LHFPL6: variants seen among roughly 807,000 people sequenced by gnomAD.
The protein encoded by LHFPL6 is LHFPL tetraspan subfamily member 6.
A neutral mutation model predicts 20.6 loss-of-function variants in LHFPL6; 9 were observed. That is an observed-to-expected ratio of 0.44 (90% CI 0.26 to 0.76). LHFPL6 has a LOEUF of 0.76. LHFPL6 is among the 30% of genes least tolerant of loss of function. LHFPL6 has a pLI of 0.20. For synonymous variants in LHFPL6, 105 were observed against 98.7 expected (o/e 1.06, Z -0.38); for missense variants, 218 against 253.5 (o/e 0.86, Z 0.95).
At position 39,581,595 on chromosome 13, in the gene LHFPL6, CTCT is replaced by C. The variant is rs1390060586; in HGVS notation, c.385+19234_385+19236del. On this transcript the variant is annotated intron_variant, in intron 2 of 3. Transcript: ENST00000379589. ...TATTCAGCTTTCACAATCTCTCTCTCTCTTTTTTTTTTTTCTAACTACATGGTC... is the reference window on the plus strand; with the variant it reads ...TATTCAGCTTTCACAATCTCTCTCTCTTTTTTTTTTTCTAACTACATGGTC... Among the ~76,000 whole-genome samples the C allele has an allele frequency of 1.5e-4, 8 of 51,880 alleles. No homozygotes were observed. In the South Asian group the frequency reaches 7.9e-3, roughly 51 times the overall value. 34.0% of individuals were successfully genotyped at this position (51,880 alleles called of 152,430 possible).
chr13:39,366,280 T>G (rs531524596), intron 3 of LHFPL6, among the ~76,000 whole-genome samples: 1 of 152,356 alleles, frequency 6.6e-6, no homozygotes, highest in East Asian at 1.9e-4. Flanking sequence ...TCCACAATCT[T>G]GAGTATTTTT....
intron 3 of LHFPL6, among the ~76,000 whole-genome samples, chr13:39,371,902 G>A (rs1870176304): frequency 6.6e-6 from 1 of 152,214 alleles, no homozygotes; most frequent in South Asian, 2.1e-4. Context: ...GGAGAAGCTT[G>A]TCCTCTCCTT....
At chr13:39,421,440 G>T (rs2138396351) in intron 2 of LHFPL6, among the ~76,000 whole-genome samples, 1 of 152,174 alleles carries the variant, frequency 6.6e-6, no homozygotes, top group African/African-American at 2.4e-5. Flanking sequence ...GACTGATCCT[G>T]CATATTGAAA....
chr13:39,557,847 T>C (rs1440562562), intron 2 of LHFPL6, among the ~76,000 whole-genome samples: 1 of 152,218 alleles, frequency 6.6e-6, no homozygotes, highest in Non-Finnish European at 1.5e-5. Flanking sequence ...AACCCCTTGA[T>C]GATGAGTGAG....
intron 3 of LHFPL6, among the ~76,000 whole-genome samples, chr13:39,370,921 A>C (rs1296400517): frequency 6.6e-6 from 1 of 152,210 alleles, no homozygotes; most frequent in Non-Finnish European, 1.5e-5. Flanking sequence ...TACCCAGCTG[A>C]CCTAGCCAGA....
chr13:39,364,312 T>C (rs1250250197), intron 3 of LHFPL6, among the ~76,000 whole-genome samples: 1 of 152,184 alleles, frequency 6.6e-6, no homozygotes, highest in East Asian at 1.9e-4. Flanking sequence ...TCTAGAGTCC[T>C]GTGGGGTTTC....
chr13:39,434,210 G>A (rs1871893307), intron 2 of LHFPL6, among the ~76,000 whole-genome samples: 1 of 152,174 alleles, frequency 6.6e-6, no homozygotes, highest in African/African-American at 2.4e-5. Context: ...CCTACTACAT[G>A]TTGGGTACTA....
intron 3 of LHFPL6, among the ~76,000 whole-genome samples, chr13:39,354,880 C>G (rs1049585872): frequency 1.3e-5 from 2 of 151,630 alleles, no homozygotes; most frequent in Non-Finnish European, 2.9e-5. Flanking sequence ...AAAGAATGAA[C>G]AAAACCTTTG....
At chr13:39,567,984 G>T (rs1871780523) in intron 2 of LHFPL6, among the ~76,000 whole-genome samples, 1 of 152,192 alleles carries the variant, frequency 6.6e-6, no homozygotes, top group African/African-American at 2.4e-5. Flanking sequence ...AGAGTAATGA[G>T]AATACTTTGT....
At chr13:39,466,303 C>A (rs1214917144) in intron 2 of LHFPL6, among the ~76,000 whole-genome samples, 1 of 152,112 alleles carries the variant, frequency 6.6e-6, no homozygotes, top group Non-Finnish European at 1.5e-5. Context: ...GCACAATGAG[C>A]CAAGAGGGGA....
chr13:39,494,380 A>G (rs1297684504), intron 2 of LHFPL6, among the ~76,000 whole-genome samples: 2 of 152,144 alleles, frequency 1.3e-5, no homozygotes, highest in Non-Finnish European at 2.9e-5. Context: ...TAATAACCCC[A>G]TTTCATAAAT....
chr13:39,563,857 C>T (rs1290477090), intron 2 of LHFPL6, among the ~76,000 whole-genome samples: 2 of 152,140 alleles, frequency 1.3e-5, no homozygotes, highest in Non-Finnish European at 1.5e-5. Context: ...AGGTATGGCA[C>T]GTTCCTTTTC....
At chr13:39,435,033 G>A (rs992311270) in intron 2 of LHFPL6, among the ~76,000 whole-genome samples, 5 of 115,662 alleles carry the variant, frequency 4.3e-5, no homozygotes, top group Non-Finnish European at 6.5e-5. Context: ...TCCGCAGTCC[G>A]ACCTGGGCGA....
At chr13:39,497,180 G>A (rs1205371606) in intron 2 of LHFPL6, among the ~76,000 whole-genome samples, 1 of 152,122 alleles carries the variant, frequency 6.6e-6, no homozygotes, top group Admixed American at 6.5e-5. Context: ...CTCCACAACA[G>A]GCAGACTGAA....
At chr13:39,464,217 A>C (rs9576809) in intron 2 of LHFPL6, among the ~76,000 whole-genome samples, 59,501 of 152,050 alleles carry the variant, frequency 0.39, 11,763 homozygotes, top group Middle Eastern at 0.51. Flanking sequence ...CAGCATAGAA[A>C]CTCCATGAGG....
intron 2 of LHFPL6, among the ~76,000 whole-genome samples, chr13:39,522,306 G>C (rs779893684): frequency 1.4e-4 from 21 of 152,194 alleles, no homozygotes; most frequent in African/African-American, 5.1e-4. Flanking sequence ...ATTACCTAAG[G>C]TACCTAAGAT....
intron 3 of LHFPL6, among the ~76,000 whole-genome samples, chr13:39,350,838 C>T (rs1869552130): frequency 6.6e-6 from 1 of 152,306 alleles, no homozygotes; most frequent in East Asian, 1.9e-4. Flanking sequence ...AATTCCAGGG[C>T]AGCCCCAGAG....
At chr13:39,505,585 G>C (rs1232062954) in intron 2 of LHFPL6, among the ~76,000 whole-genome samples, 1 of 152,016 alleles carries the variant, frequency 6.6e-6, no homozygotes, top group Non-Finnish European at 1.5e-5. Flanking sequence ...TAATCAACTA[G>C]TTCAATTCCT....
chr13:39,534,213 A>G (rs1471473284), intron 2 of LHFPL6, among the ~76,000 whole-genome samples: 1 of 152,234 alleles, frequency 6.6e-6, no homozygotes, highest in Non-Finnish European at 1.5e-5. Flanking sequence ...AGGAGCCTAC[A>G]GCAAAAATGG....
Sources: allele counts gnomAD v4.1 joint callset (sites outside exome capture counted in the v4.1 genomes callset), GRCh38; gene constraint gnomAD v4.1.1; transcripts MANE v1.5; gene names NCBI Gene and HGNC (gene_info 2026-07-23, HGNC 2026-07-21).